Variants in HOMER2 observed in about 807,000 individuals in gnomAD.
HOMER2 encodes the protein homer scaffold protein 2, also known as homer protein homolog 2.
A neutral mutation model predicts 47.0 loss-of-function variants in HOMER2; 27 were observed. The ratio of observed to expected loss-of-function variants is 0.57; its 90% CI spans 0.42 to 0.79. HOMER2 has a LOEUF of 0.79. Among genes scored for constraint, HOMER2 ranks in the 30% least tolerant of loss-of-function variants. The pLI is 0.00. For synonymous variants in HOMER2, 161 were observed against 163.8 expected (o/e 0.98, Z 0.13); for missense variants, 443 against 435.0 (o/e 1.02, Z -0.16).
chr15:82,901,488 T>C (rs759502283), intron 1 of HOMER2, among the ~76,000 whole-genome samples: 99 of 152,022 alleles, frequency 6.5e-4, no homozygotes, highest in Non-Finnish European at 1.1e-3. Flanking sequence ...CAGAAACCCC[T>C]CTCCCACCTC....
chr15:82,931,025 G>A (rs1242522475), intron 1 of HOMER2, among the ~76,000 whole-genome samples: 1 of 151,964 alleles, frequency 6.6e-6, no homozygotes, highest in Non-Finnish European at 1.5e-5. Flanking sequence ...GGTGCTCTTG[G>A]GCTCCCTCAG....
intron 5 of HOMER2, among the ~76,000 whole-genome samples, chr15:82,856,909 C>T (rs865797424): frequency 1.3e-5 from 2 of 152,102 alleles, no homozygotes; most frequent in Non-Finnish European, 2.9e-5. Context: ...GAGTGGAACA[C>T]GGGCCATGTG....
intron 2 of HOMER2, among the ~76,000 whole-genome samples, chr15:82,891,237 C>T (rs1471916035): frequency 1.3e-5 from 2 of 152,150 alleles, no homozygotes; most frequent in Non-Finnish European, 2.9e-5. Context: ...TAACTGGGCA[C>T]CCGCCCCGGC....
intron 4 of HOMER2, 90 bp downstream of exon 4, chr15:82,864,077 A>G (rs1440497394): frequency 1.3e-6 from 1 of 773,110 alleles, no homozygotes; most frequent in Admixed American, 2.8e-5. Flanking sequence ...CCTATTGTCA[A>G]AATTCCCTAT....
chr15:82,880,950 C>A (rs2052503103), intron 2 of HOMER2, among the ~76,000 whole-genome samples: 3 of 152,256 alleles, frequency 2.0e-5, no homozygotes, highest in East Asian at 3.9e-4. Context: ...AGGATGAGGG[C>A]ACAGCTGAGT....
chr15:82,936,124 A>T (rs774093198), intron 1 of HOMER2, among the ~76,000 whole-genome samples: 4 of 152,046 alleles, frequency 2.6e-5, no homozygotes, highest in Non-Finnish European at 5.9e-5. Context: ...TCTCTCAAAC[A>T]TTCCAGACAT....
exon 2 of HOMER2, chr15:82,840,250 C>T (rs1041360497): frequency 2.6e-5 from 4 of 151,724 alleles, no homozygotes; most frequent in South Asian, 2.1e-4. Context: ...AAGAACAAAA[C>T]GAAAAGAATC....
chr15:82,984,190 G>A (rs941052818), intron 1 of HOMER2, among the ~76,000 whole-genome samples: 2 of 151,842 alleles, frequency 1.3e-5, no homozygotes, highest in Admixed American at 6.6e-5. Flanking sequence ...CGGCCACCAC[G>A]CCCAGCTAAT....
intron 1 of HOMER2, chr15:82,926,467 C>T (rs752617510): frequency 6.6e-6 from 1 of 152,234 alleles, no homozygotes; most frequent in Non-Finnish European, 1.5e-5. Flanking sequence ...GCAGGCAGAT[C>T]ATCTGAGCTT....
chr15:82,934,984 C>A (rs1567063702), intron 1 of HOMER2, among the ~76,000 whole-genome samples: 1 of 152,132 alleles, frequency 6.6e-6, no homozygotes, highest in Non-Finnish European at 1.5e-5. Context: ...GTCTTCCCAC[C>A]ACACCAATCC....
intron 3 of HOMER2, among the ~76,000 whole-genome samples, chr15:82,869,862 T>C (rs950312537): frequency 6.6e-6 from 1 of 152,234 alleles, no homozygotes; most frequent in African/African-American, 2.4e-5. Context: ...TTTTATGTTA[T>C]AAATGATGCT....
chr15:82,918,445 A>G (rs1033428976), intron 1 of HOMER2, among the ~76,000 whole-genome samples: 4 of 152,078 alleles, frequency 2.6e-5, no homozygotes, highest in African/African-American at 9.7e-5. Context: ...CTCTCCTACC[A>G]GGGCCTCATT....
exon 2 of HOMER2, chr15:82,837,425 T>G (rs1246867822): frequency 6.6e-6 from 1 of 152,202 alleles, no homozygotes; most frequent in Non-Finnish European, 1.5e-5. Context: ...CTCATCCAGG[T>G]TTTTTTGGGA....
chr15:82,843,123 T>A (rs1055817698), exon 2 of HOMER2: 1 of 152,028 alleles, frequency 6.6e-6, no homozygotes, highest in Non-Finnish European at 1.5e-5. Flanking sequence ...TAGTGGTGAA[T>A]ATTTATACAA....
chr15:82,908,420 A>C (rs1318122991), intron 1 of HOMER2, among the ~76,000 whole-genome samples: 2 of 152,176 alleles, frequency 1.3e-5, no homozygotes, highest in Non-Finnish European at 2.9e-5. Flanking sequence ...CCATGTCAAA[A>C]CTAAGTGGTT....
At chr15:82,915,665 T>C (rs2053571506) in intron 1 of HOMER2, among the ~76,000 whole-genome samples, 3 of 152,186 alleles carry the variant, frequency 2.0e-5, no homozygotes, top group Non-Finnish European at 4.4e-5. Flanking sequence ...TGAGCTGCCC[T>C]GTCTCAAATA....
In HOMER2 at chr15:82,881,086, G is replaced by A. The variant is rs1021244610; in HGVS notation, c.163-5682C>T. On this transcript the variant is annotated intron_variant, in intron 2 of 8. Coordinates refer to ENST00000450735, the MANE Select transcript of HOMER2 (RefSeq NM_004839.4). ...AAGGGGCTGTGCTAAAGCACCCCAG[G>A]CATAAGCTTCATACAGGCTCCCATC... is the stretch of plus-strand genomic sequence containing the variant. 4.6e-5 allele frequency among the ~76,000 whole-genome samples: 7 copies of A among 152,234 alleles called. No homozygotes were observed. The South Asian group carries it at 1.2e-3, about 27-fold the overall frequency.
Position 82,849,868 on chromosome 15 carries a change from TTTGTCTTCCAGGTTTTGA to T in HOMER2, c.861_878del (p.Asn287_Asp292del), listed in dbSNP as rs2051332848. ...CAATGTCTGTCTTTAAGGAACGCACTTTGTCTTCCAGGTTTTGATTGTCTCTCTCTGCCGCCTGGCCAA... is the reference window on the plus strand; with the variant it reads ...CAATGTCTGTCTTTAAGGAACGCACTTTGTCTCTCTCTGCCGCCTGGCCAA... On this transcript the variant is annotated inframe_deletion, in exon 9 of 9. Coordinates refer to ENST00000450735, the MANE Select transcript of HOMER2 (RefSeq NM_004839.4). 9.9e-6 allele frequency: 16 copies of T among 1,613,834 alleles called. No homozygotes were observed. Among genetic ancestry groups the T allele is most frequent in the African/African-American group, 1.3e-5 (1 of 74,942 alleles).
intron 1 of HOMER2, among the ~76,000 whole-genome samples, chr15:82,981,829 G>A (rs182781668): frequency 0.011 from 1,649 of 152,214 alleles, 9 homozygotes; most frequent in Non-Finnish European, 0.016. Flanking sequence ...GTAGAATGGT[G>A]GTTGCTAGGG....
Sources: allele counts gnomAD v4.1 joint callset (sites outside exome capture counted in the v4.1 genomes callset), GRCh38; gene constraint gnomAD v4.1.1; transcripts MANE v1.5; gene names NCBI Gene and HGNC (gene_info 2026-07-23, HGNC 2026-07-21).